Variants in ACYP2 observed in about 807,000 individuals in gnomAD.
ACYP2 encodes the protein acylphosphatase 2, also known as acylphosphatase-2.
A neutral mutation model predicts 11.2 loss-of-function variants in ACYP2; 12 were observed. The ratio of observed to expected loss-of-function variants is 1.08; its 90% confidence interval spans 0.69 to 1.74. The LOEUF (loss-of-function observed/expected upper bound fraction) is 1.74. Ranked by LOEUF, ACYP2 falls within the 40% of genes most tolerant of loss-of-function variation. The probability of loss-of-function intolerance (pLI) is 0.00; values close to 1 mark genes in which losing one functional copy is unlikely to be tolerated. For synonymous variants in ACYP2, 43 were observed against 32.2 expected (o/e 1.33, Z -1.13); for missense variants, 134 against 101.9 (o/e 1.31, Z -1.35).
intron 6 of ACYP2, among the ~76,000 whole-genome samples, chr2:54,161,977 A>G (rs1682732364): frequency 6.6e-6 from 1 of 152,096 alleles, no homozygotes; most frequent in African/African-American, 2.4e-5. Flanking sequence ...AAAATTTTAT[A>G]ATAAGTATTC....
At chr2:54,172,965 G>A (rs1191567862) in intron 6 of ACYP2, among the ~76,000 whole-genome samples, 1 of 152,190 alleles carries the variant, frequency 6.6e-6, no homozygotes, top group African/African-American at 2.4e-5. Flanking sequence ...ATTTGGGTTG[G>A]TTCTAAGTCT....
chr2:54,209,636 T>C (rs1339697759), intron 6 of ACYP2, among the ~76,000 whole-genome samples: 1 of 152,214 alleles, frequency 6.6e-6, no homozygotes, highest in East Asian at 1.9e-4. Context: ...GGCACCGTCC[T>C]ATCTCTTCAG....
At chr2:54,064,152 T>C (rs1325244995) in intron 4 of ACYP2, among the ~76,000 whole-genome samples, 1 of 151,848 alleles carries the variant, frequency 6.6e-6, no homozygotes, top group East Asian at 1.9e-4. Flanking sequence ...CCAGGCCTCT[T>C]TTTTTTTGGC....
chr2:53,972,502 G>C (rs933123030), intron 1 of ACYP2, among the ~76,000 whole-genome samples: 4 of 152,104 alleles, frequency 2.6e-5, no homozygotes, highest in Non-Finnish European at 4.4e-5. Flanking sequence ...AGCTACTCGG[G>C]AGGCTGAGGC....
chr2:54,267,157 T>C (rs1688071679), intron 6 of ACYP2: 1 of 791,022 alleles, frequency 1.3e-6, no homozygotes. Context: ...GTTGTTATAA[T>C]GAGCATGTAT....
intron 1 of ACYP2, among the ~76,000 whole-genome samples, chr2:53,973,185 T>C (rs558132155): frequency 6.6e-6 from 1 of 152,318 alleles, no homozygotes; most frequent in Admixed American, 6.5e-5. Context: ...TTGGATAGTT[T>C]ATTGATAAAG....
chr2:54,252,681 A>T (rs1687281779), intron 6 of ACYP2, among the ~76,000 whole-genome samples: 1 of 152,166 alleles, frequency 6.6e-6, no homozygotes, highest in African/African-American at 2.4e-5. Flanking sequence ...GGTCGGGCGG[A>T]TCACAAGGTC....
At chr2:54,220,208 C>T (rs17045680) in intron 6 of ACYP2, among the ~76,000 whole-genome samples, 5,554 of 152,094 alleles carry the variant, frequency 0.037, 325 homozygotes, top group African/African-American at 0.13. Context: ...TTCTTTGCTT[C>T]TGTTATCATT....
intron 6 of ACYP2, among the ~76,000 whole-genome samples, chr2:54,140,686 C>T (rs1448547480): frequency 6.6e-6 from 1 of 152,084 alleles, no homozygotes; most frequent in Non-Finnish European, 1.5e-5. Context: ...GAATGGTAAT[C>T]TCTAATTCAT....
intron 6 of ACYP2, among the ~76,000 whole-genome samples, chr2:54,242,604 TTAA>T (rs1219481623): frequency 3.9e-5 from 6 of 152,224 alleles, no homozygotes; most frequent in African/African-American, 1.4e-4. Context: ...AAGATTAAAA[TTAA>T]TATTTTTACT....
At chr2:53,990,510 G>T (rs944254792) in intron 2 of ACYP2, among the ~76,000 whole-genome samples, 4 of 151,402 alleles carry the variant, frequency 2.6e-5, no homozygotes, top group Admixed American at 6.6e-5. Flanking sequence ...TTAGCTGGGC[G>T]TGGTGGCGGC....
At chr2:53,987,832 C>A (rs974299826) in intron 2 of ACYP2, among the ~76,000 whole-genome samples, 1 of 151,858 alleles carries the variant, frequency 6.6e-6, no homozygotes, top group African/African-American at 2.4e-5. Context: ...AATTGGATTG[C>A]TTGTGGGTTT....
chr2:53,979,864 G>A (rs1460273418), intron 2 of ACYP2, among the ~76,000 whole-genome samples: 3 of 151,544 alleles, frequency 2.0e-5, no homozygotes, highest in Non-Finnish European at 4.4e-5. Context: ...TGGCTGTTTT[G>A]TATTTTTAGT....
At chr2:54,219,839 G>GTGTATGTGTGTATATATATGTA (rs1481424529) in intron 6 of ACYP2, among the ~76,000 whole-genome samples, 21 of 133,104 alleles carry the variant, frequency 1.6e-4, no homozygotes, top group African/African-American at 5.5e-4. Flanking sequence ...ATATATATGT[G>GTGTATGTGTGTATATATATGTA]TATGTGTGTG....
chr2:54,027,496 A>G (rs1315646533), intron 2 of ACYP2, among the ~76,000 whole-genome samples: 2 of 152,184 alleles, frequency 1.3e-5, no homozygotes, highest in South Asian at 2.1e-4. Context: ...CATACTTCAG[A>G]CTATCATAAA....
intron 6 of ACYP2, among the ~76,000 whole-genome samples, chr2:54,201,670 C>CTTTG (rs1463060609): frequency 9.6e-6 from 1 of 103,666 alleles, no homozygotes; most frequent in Non-Finnish European, 2.0e-5. Context: ...TTCTTTCTTT[C>CTTTG]TTTCTTTCTT....
chr2:54,138,340 A>G (rs1681386499), intron 5 of ACYP2, among the ~76,000 whole-genome samples: 1 of 152,198 alleles, frequency 6.6e-6, no homozygotes, highest in Non-Finnish European at 1.5e-5. Flanking sequence ...GCTAAATTTT[A>G]TGTATCCAAA....
chr2:54,153,217 A>G (rs1424625743), intron 6 of ACYP2, among the ~76,000 whole-genome samples: 3 of 151,656 alleles, frequency 2.0e-5, no homozygotes, highest in Non-Finnish European at 4.4e-5. Flanking sequence ...ATTATTCTTT[A>G]TTGAAGAGAC....
intron 6 of ACYP2, among the ~76,000 whole-genome samples, chr2:54,290,892 G>A (rs1273055116): frequency 6.6e-6 from 1 of 152,164 alleles, no homozygotes; most frequent in Non-Finnish European, 1.5e-5. Flanking sequence ...AAAGGCGCTC[G>A]TAAATATTGG....
Sources: allele counts gnomAD v4.1 joint callset (sites outside exome capture counted in the v4.1 genomes callset), GRCh38; gene constraint gnomAD v4.1.1; transcripts MANE v1.5; gene names NCBI Gene and HGNC (gene_info 2026-07-23, HGNC 2026-07-21).